METTL21C: variants seen among roughly 807,000 people sequenced by gnomAD.
The protein encoded by METTL21C is protein-lysine methyltransferase METTL21C.
A neutral mutation model predicts 25.9 loss-of-function variants in METTL21C; 21 were observed. That is an observed-to-expected ratio of 0.81 (90% CI 0.58 to 1.17). METTL21C has a LOEUF of 1.17. METTL21C is among the 50% of genes most tolerant of loss of function. METTL21C has a pLI of 0.00. For missense variants in METTL21C, 312 were observed against 315.1 expected (o/e 0.99, Z 0.07); for synonymous variants, 125 against 124.7 (o/e 1.00, Z -0.01).
chr13:102,695,746 G>A (rs993911097), upstream of METTL21C, among the ~76,000 whole-genome samples: 2 of 152,096 alleles, frequency 1.3e-5, no homozygotes, highest in Non-Finnish European at 2.9e-5. Context: ...CAGCTCTATC[G>A]TTCTAATGCT....
upstream of METTL21C, among the ~76,000 whole-genome samples, chr13:102,698,276 C>T (rs1191655959): frequency 6.6e-6 from 1 of 152,066 alleles, no homozygotes; most frequent in Non-Finnish European, 1.5e-5. Flanking sequence ...CTGAAACCAT[C>T]CCAATAAACT....
intron 2 of METTL21C, among the ~76,000 whole-genome samples, chr13:102,689,689 T>C (rs896001): frequency 0.71 from 107,397 of 152,038 alleles, 38,344 homozygotes; most frequent in Middle Eastern, 0.84. Flanking sequence ...ACACTGGCTC[T>C]GAGGGCCACT....
chr13:102,702,245 A>T, the METTL21C span, among the ~76,000 whole-genome samples: 1 of 150,622 alleles, frequency 6.6e-6, no homozygotes, highest in African/African-American at 2.5e-5. Context: ...AGAGAGAGAG[A>T]CTTCATAAAC....
chr13:102,691,540 G>C (rs1264225022), intron 1 of METTL21C, among the ~76,000 whole-genome samples: 2 of 151,892 alleles, frequency 1.3e-5, no homozygotes, highest in African/African-American at 4.8e-5. Context: ...AGTAGACACG[G>C]GGTTTCACCA....
At chr13:102,695,894 A>C (rs1244515309), upstream of METTL21C, among the ~76,000 whole-genome samples, 1 of 152,200 alleles carries the variant, frequency 6.6e-6, no homozygotes, top group African/African-American at 2.4e-5. Context: ...CCTTTTAAAA[A>C]CTGATTGCAA....
chr13:102,703,622 A>T, the METTL21C span, among the ~76,000 whole-genome samples: 1 of 152,222 alleles, frequency 6.6e-6, no homozygotes, highest in Non-Finnish European at 1.5e-5. Flanking sequence ...AGTGAAGCAG[A>T]TGTTATTCAG....
At chr13:102,688,196 A>G (rs145217683) in intron 2 of METTL21C, among the ~76,000 whole-genome samples, 112 of 152,354 alleles carry the variant, frequency 7.4e-4, no homozygotes, top group African/African-American at 2.5e-3. Context: ...GAGTGGGGGC[A>G]GCCAGGATGA....
At chr13:102,703,882 T>G in the METTL21C span, among the ~76,000 whole-genome samples, 2 of 152,242 alleles carry the variant, frequency 1.3e-5, no homozygotes, top group African/African-American at 4.8e-5. Context: ...TGTAAATGAC[T>G]TAAGGGCCTC....
chr13:102,703,327 G>T, the METTL21C span, among the ~76,000 whole-genome samples: 1 of 152,152 alleles, frequency 6.6e-6, no homozygotes. Flanking sequence ...TAGGTGCCCC[G>T]TAGCCAGGCC....
chr13:102,702,933 A>G, the METTL21C span, among the ~76,000 whole-genome samples: 1 of 152,218 alleles, frequency 6.6e-6, no homozygotes, highest in Non-Finnish European at 1.5e-5. Context: ...AAATTTAGAA[A>G]GGGTAATTTT....
Position 102,694,134 on chromosome 13 carries a change from A to C in METTL21C, c.130+235T>G, listed in dbSNP as rs186678221. On this transcript the variant is annotated intron_variant, in intron 1 of 3. Coordinates refer to ENST00000267273, the MANE Select transcript of METTL21C (RefSeq NM_001010977.3). ...TTAGATCTATACATAGAAAAAAAAC[A>C]AATGTGCAAACTTTGATAAGTAATG... 1.0e-3 allele frequency among the ~76,000 whole-genome samples: 159 copies of C among 152,242 alleles called. 1 individual carries two copies. The highest frequency in any genetic ancestry group is 3.4e-3 in the African/African-American group (143 of 41,512).
upstream of METTL21C, among the ~76,000 whole-genome samples, chr13:102,696,191 A>G (rs1885944469): frequency 1.3e-5 from 2 of 152,176 alleles, no homozygotes; most frequent in Non-Finnish European, 2.9e-5. Flanking sequence ...GTTCCTTTTT[A>G]GGATGAGTTC....
intron 2 of METTL21C, among the ~76,000 whole-genome samples, chr13:102,690,469 G>C (rs563339688): frequency 6.6e-6 from 1 of 151,872 alleles, no homozygotes; most frequent in South Asian, 2.1e-4. Flanking sequence ...GGGTCGATGG[G>C]CGTGGCTCGG....
chr13:102,701,917 C>T, the METTL21C span, among the ~76,000 whole-genome samples: 1 of 152,060 alleles, frequency 6.6e-6, no homozygotes, highest in Non-Finnish European at 1.5e-5. Context: ...ATGATTCCAG[C>T]ACTTTGGGAG....
upstream of METTL21C, among the ~76,000 whole-genome samples, chr13:102,696,061 CT>C (rs199772926): frequency 4.6e-4 from 68 of 148,682 alleles, no homozygotes; most frequent in East Asian, 3.1e-3. Flanking sequence ...ACCTCACCAA[CT>C]TTTTTTTTTG....
chr13:102,687,727 A>G (rs1258642762), intron 2 of METTL21C, among the ~76,000 whole-genome samples: 4 of 152,208 alleles, frequency 2.6e-5, no homozygotes, highest in Admixed American at 6.5e-5. Flanking sequence ...CGTCTAAACA[A>G]GCCCTGACAT....
At chr13:102,686,827 C>A in intron 3 of METTL21C, 113 bp downstream of exon 3, 1 of 766,630 alleles carries the variant, frequency 1.3e-6, no homozygotes, top group Non-Finnish European at 2.2e-6. Context: ...TGGGGAGAGT[C>A]ACTGAGTGAA....
At chr13:102,691,070 T>A in intron 1 of METTL21C, 106 bp from the exon 2 acceptor site, 1 of 1,267,976 alleles carries the variant, frequency 7.9e-7, no homozygotes. Context: ...GACCTTTACA[T>A]AAAGAGAAGG....
Position 102,694,862 on chromosome 13 carries a change from ATTCTCTCTCT to A in METTL21C, c.-374_-365del, listed in dbSNP as rs1244286289. Among the ~76,000 whole-genome samples the A allele has an allele frequency of 6.9e-5, 9 of 130,554 alleles. No homozygotes were observed. Among genetic ancestry groups the A allele is most frequent in the African/African-American group, 2.9e-4 (9 of 30,726 alleles). The allele number at this position is 130,554 out of a possible 152,430, so 85.6% of individuals were successfully genotyped here. ...CTCATAGACACATTACTTTGCTAGA[ATTCTCTCTCT>A]TTCTCTCTCTCTCTCTCTCTCTCTC... On this transcript the variant is annotated 5_prime_UTR_variant, in exon 1 of 4. Coordinates refer to ENST00000267273, the MANE Select transcript of METTL21C (RefSeq NM_001010977.3).
Sources: gnomAD v4.1 joint callset for allele counts (sites outside exome capture counted in the v4.1 genomes callset) on GRCh38, gnomAD v4.1.1 for gene constraint, MANE v1.5 for transcripts, NCBI Gene and HGNC (gene_info 2026-07-23, HGNC 2026-07-21) for gene names.